KIZ: variants seen among roughly 807,000 people sequenced by gnomAD.
KIZ encodes the protein centrosomal protein kizuna.
In KIZ, 68 loss-of-function variants were observed where a neutral mutation model predicts 79.6. The observed-to-expected ratio is 0.85, with a 90% CI of 0.70 to 1.05. The LOEUF (loss-of-function observed/expected upper bound fraction) is 1.05, where lower values mean the gene tolerates loss of function less well. Ranked by LOEUF, KIZ falls within the 50% of genes least tolerant of loss-of-function variation. The probability of loss-of-function intolerance (pLI) is 0.00; values close to 1 mark genes in which losing one functional copy is unlikely to be tolerated. For synonymous variants in KIZ, 280 were observed against 281.8 expected, an observed-to-expected ratio of 0.99 and a Z score of 0.06; for missense variants, 797 against 800.4, an observed-to-expected ratio of 1.00 and a Z score of 0.05.
Position 21,132,083 on chromosome 20 carries a change from GT to G in KIZ, c.90-8del. ...CTTATCATGTAATTACTTATAAAAT[GT>G]TTTTTATTATAGTGAAAAGAAGAGA... On this transcript the variant is annotated splice_polypyrimidine_tract_variant and intron_variant, in intron 1 of 12. Coordinates refer to ENST00000619189, the MANE Select transcript of KIZ (RefSeq NM_018474.6). The G allele has an allele frequency of 1.8e-6, 2 of 1,089,472 alleles. No homozygotes were observed. Among genetic ancestry groups the G allele is most frequent in the Non-Finnish European group, 2.7e-6 (2 of 736,500 alleles). The allele number at this position is 1,089,472 out of a possible 1,614,324, so 67.5% of individuals were successfully genotyped here. A position where few individuals can be genotyped will look rare whatever the true frequency, so the allele number is the denominator to read the frequency against.
chr20:21,196,285 T>C (rs2035340133), intron 6 of KIZ: 1 of 152,600 alleles, frequency 6.6e-6, no homozygotes, highest in African/African-American at 2.4e-5. Flanking sequence ...CCTTTGCCTG[T>C]GTCTCTCCTT....
At chr20:21,207,976 A>G (rs967739357) in intron 7 of KIZ, among the ~76,000 whole-genome samples, 10 of 152,060 alleles carry the variant, frequency 6.6e-5, no homozygotes, top group African/African-American at 1.7e-4. Flanking sequence ...CAGCCTCCCA[A>G]AGTTCTGGGA....
chr20:21,228,979 G>A (rs1231881856), intron 9 of KIZ, 32 bp from the exon 10 acceptor site: 2 of 1,244,542 alleles, frequency 1.6e-6, no homozygotes, highest in East Asian at 2.4e-5. Flanking sequence ...AGTAAAAAAT[G>A]TAATATTTCT....
chr20:21,165,399 G>A (rs1184401941), intron 6 of KIZ, among the ~76,000 whole-genome samples: 1 of 152,184 alleles, frequency 6.6e-6, no homozygotes, highest in Non-Finnish European at 1.5e-5. Flanking sequence ...TGGGTGAGGA[G>A]GGCCTTTTGG....
chr20:21,189,412 A>G (rs2035021635), intron 6 of KIZ, among the ~76,000 whole-genome samples: 1 of 152,228 alleles, frequency 6.6e-6, no homozygotes, highest in Non-Finnish European at 1.5e-5. Context: ...CTTGGCTATT[A>G]AAAATGGGTG....
At chr20:21,175,393 G>T (rs1339994685) in intron 6 of KIZ, among the ~76,000 whole-genome samples, 1 of 152,162 alleles carries the variant, frequency 6.6e-6, no homozygotes, top group East Asian at 1.9e-4. Context: ...TTGTCACTTG[G>T]TGTATAGGAG....
chr20:21,170,330 A>C (rs772165786), intron 6 of KIZ, among the ~76,000 whole-genome samples: 3 of 152,128 alleles, frequency 2.0e-5, no homozygotes, highest in Non-Finnish European at 4.4e-5. Context: ...TTTTAAATGT[A>C]CAATTAAATT....
At chr20:21,230,144 T>C (rs1415880701) in intron 10 of KIZ, among the ~76,000 whole-genome samples, 1 of 152,180 alleles carries the variant, frequency 6.6e-6, no homozygotes, top group Non-Finnish European at 1.5e-5. Flanking sequence ...TAGCATGTAA[T>C]TCCCAGTCCA....
rs114604841 is a variant in KIZ at position 21,173,101 on chromosome 20, A to G, written c.1352+9942A>G. ...AGGAAGGACTTTGGGTTGAACTTCAATTGAAATGAAGAATCACTCTGGCCA... is the reference window on the plus strand; with the variant it reads ...AGGAAGGACTTTGGGTTGAACTTCAGTTGAAATGAAGAATCACTCTGGCCA... On this transcript the variant is annotated intron_variant, in intron 6 of 12. Transcript: ENST00000619189. Among the ~76,000 whole-genome samples the G allele has an allele frequency of 1.3e-3, 194 of 152,342 alleles. 1 individual carries two copies. Among genetic ancestry groups the G allele is most frequent in the African/African-American group, 4.3e-3 (179 of 41,584 alleles).
At chr20:21,215,775 C>A in intron 9 of KIZ, 127 bp downstream of exon 9, 1 of 558,244 alleles carries the variant, frequency 1.8e-6, no homozygotes, top group Non-Finnish European at 3.3e-6. Flanking sequence ...CATGCTGGAG[C>A]AGGAGATTAA....
intron 6 of KIZ, among the ~76,000 whole-genome samples, chr20:21,204,114 T>G (rs1050220648): frequency 3.0e-5 from 4 of 131,950 alleles, no homozygotes; most frequent in Admixed American, 1.5e-4. Flanking sequence ...TGTTTTTTTT[T>G]TTTTTTTTTT....
At chr20:21,242,448 A>G (rs1342628614) in intron 11 of KIZ, among the ~76,000 whole-genome samples, 2 of 151,336 alleles carry the variant, frequency 1.3e-5, no homozygotes, top group Non-Finnish European at 3.0e-5. Context: ...GTGTGTCACC[A>G]GTTAGGAGGT....
In KIZ at chr20:21,172,747, G is replaced by A. The variant is rs143855377; in HGVS notation, c.1352+9588G>A. ...GGACCTGAAGTGGGAGAGTTGGTAA[G>A]CCACATTCAGCTGTGCCCATGCCTT... On this transcript the variant is annotated intron_variant, in intron 6 of 12. Coordinates refer to ENST00000619189, the MANE Select transcript of KIZ (RefSeq NM_018474.6). Among the ~76,000 whole-genome samples, 424 of 152,296 alleles carry A rather than the reference G, an allele frequency of 2.8e-3. 1 individual carries two copies. The highest frequency in any genetic ancestry group is 9.4e-3 in the African/African-American group (392 of 41,556).
intron 5 of KIZ, 125 bp from the exon 6 acceptor site, chr20:21,162,725 G>A (rs2033735493): frequency 4.6e-6 from 4 of 873,818 alleles, no homozygotes; most frequent in Non-Finnish European, 6.9e-6. Context: ...AAGCTTTTAA[G>A]TTCCGTAATG....
intron 11 of KIZ, 114 bp from the exon 12 acceptor site, chr20:21,244,131 A>G: frequency 2.7e-6 from 2 of 748,724 alleles, no homozygotes; most frequent in Non-Finnish European, 4.6e-6. Context: ...AAGTAAGTGT[A>G]AAGTTCTGGC....
chr20:21,145,612 C>T lies in KIZ; in HGVS notation c.363C>T (p.Ser121=). The change falls in exon 4 of 13, where the codon AGC becomes AGT. Residue 121 remains serine, a synonymous_variant. Coordinates refer to ENST00000619189, the MANE Select transcript of KIZ (RefSeq NM_018474.6). ...AGAAGATGCTATGCTCAAAAGATAGCCTGGGACTAAAAGAGGAACTGACAG... is the reference window on the plus strand; with the variant it reads ...AGAAGATGCTATGCTCAAAAGATAGTCTGGGACTAAAAGAGGAACTGACAG... ...QIKKMLCSKD[S]LGLKEELTDE... is the part of the protein sequence containing the mutation. 1 of 1,527,772 alleles carries T rather than the reference C, an allele frequency of 6.5e-7. No homozygotes were observed. Among genetic ancestry groups the T allele is most frequent in the Non-Finnish European group, 8.8e-7 (1 of 1,130,620 alleles). 94.6% of individuals were successfully genotyped at this position (1,527,772 alleles called of 1,614,324 possible).
At chr20:21,169,981 C>T (rs951091208) in intron 6 of KIZ, among the ~76,000 whole-genome samples, 17 of 152,118 alleles carry the variant, frequency 1.1e-4, no homozygotes, top group Non-Finnish European at 2.1e-4. Flanking sequence ...TGAAGAACAT[C>T]TTGGTGGCTT....
At chr20:21,139,826 A>G (rs996949122) in intron 3 of KIZ, among the ~76,000 whole-genome samples, 21 of 152,236 alleles carry the variant, frequency 1.4e-4, no homozygotes, top group African/African-American at 4.8e-4. Flanking sequence ...ATTAATAAAC[A>G]TGGTTCAAAA....
intron 7 of KIZ, among the ~76,000 whole-genome samples, chr20:21,210,586 G>A (rs1175996028): frequency 6.6e-6 from 1 of 152,086 alleles, no homozygotes; most frequent in Non-Finnish European, 1.5e-5. Flanking sequence ...ACAAATATCT[G>A]TAATATTTTC....
Sources: allele counts gnomAD v4.1 joint callset (sites outside exome capture counted in the v4.1 genomes callset), GRCh38; gene constraint gnomAD v4.1.1; transcripts MANE v1.5; gene names NCBI Gene and HGNC (gene_info 2026-07-23, HGNC 2026-07-21).